ATG7: variants seen among roughly 807,000 people sequenced by gnomAD.
ATG7 encodes the protein ubiquitin-like modifier-activating enzyme ATG7.
Under a neutral mutation model 82.4 loss-of-function variants are expected in ATG7, and 70 were observed. That is an observed-to-expected ratio of 0.85 (90% CI 0.70 to 1.04). The LOEUF (loss-of-function observed/expected upper bound fraction) is 1.04, where lower values mean the gene tolerates loss of function less well. Ranked by LOEUF, ATG7 falls within the 50% of genes least tolerant of loss-of-function variation. ATG7 has a pLI of 0.00. For synonymous variants in ATG7, 287 were observed against 313.0 expected, an observed-to-expected ratio of 0.92 and a Z score of 0.88; for missense variants, 792 against 864.3, an observed-to-expected ratio of 0.92 and a Z score of 1.05.
intron 3 of ATG7, among the ~76,000 whole-genome samples, chr3:11,291,492 ACT>A (rs1167703546): frequency 6.6e-6 from 1 of 152,124 alleles, no homozygotes; most frequent in African/African-American, 2.4e-5. Flanking sequence ...TTCCTGTGTG[ACT>A]CTGGGCAAGT....
chr3:11,288,638 C>T (rs1944464245), intron 3 of ATG7: 1 of 152,214 alleles, frequency 6.6e-6, no homozygotes, highest in African/African-American at 2.4e-5. Context: ...TCTCTCCTCA[C>T]CTCCTAGCAG....
At chr3:11,452,384 C>CAAA (rs34530409) in intron 20 of ATG7, among the ~76,000 whole-genome samples, 13,807 of 58,024 alleles carry the variant, frequency 0.24, 2,415 homozygotes, top group South Asian at 0.38. Context: ...GAACCTGTCT[C>CAAA]AAAAAAAAAA....
chr3:11,399,223 A>G lies in ATG7; in HGVS notation c.1956+19171A>G, dbSNP rs151245457. Among the ~76,000 whole-genome samples, 558 of 152,166 alleles carry G rather than the reference A, an allele frequency of 3.7e-3. 6 individuals are homozygous for G. Among genetic ancestry groups the G allele is most frequent in the Non-Finnish European group, 6.4e-3 (437 of 67,972 alleles). ...ATTAGCTAGGTATGGTGGCCTGTAC[A>G]TATAGTCCCAGCTACTCAGGAGGCT... On this transcript the variant is annotated intron_variant, in intron 19 of 20. Coordinates refer to ENST00000693202, the MANE Select transcript of ATG7 (RefSeq NM_001349232.2).
intron 20 of ATG7, among the ~76,000 whole-genome samples, chr3:11,464,365 CCT>C (rs2086631195): frequency 6.6e-6 from 1 of 150,586 alleles, no homozygotes; most frequent in Admixed American, 6.6e-5. Context: ...CGAGCAAGAC[CCT>C]GTCTCAAAAT....
chr3:11,452,583 G>A (rs2085301630), intron 20 of ATG7, among the ~76,000 whole-genome samples: 1 of 152,072 alleles, frequency 6.6e-6, no homozygotes, highest in African/African-American at 2.4e-5. Context: ...AGGCACTTCA[G>A]CAAACAGCGT....
chr3:11,551,812 G>A (rs545257518), intron 20 of ATG7, among the ~76,000 whole-genome samples: 8 of 151,902 alleles, frequency 5.3e-5, no homozygotes, highest in Non-Finnish European at 7.4e-5. Flanking sequence ...ATAGTGGTGC[G>A]ATCTCAGCTC....
At chr3:11,562,168 AT>A (rs1326128782), downstream of ATG7, among the ~76,000 whole-genome samples, 1 of 152,010 alleles carries the variant, frequency 6.6e-6, no homozygotes, top group African/African-American at 2.4e-5. Context: ...AAGGGCTGGG[AT>A]TACAGGTGTG....
intron 20 of ATG7, among the ~76,000 whole-genome samples, chr3:11,457,928 G>A (rs2085904896): frequency 6.6e-6 from 1 of 152,146 alleles, no homozygotes; most frequent in Admixed American, 6.5e-5. Context: ...TGGTATGGAG[G>A]AAGTAACCGG....
At chr3:11,550,848 T>C (rs1176562553) in intron 20 of ATG7, among the ~76,000 whole-genome samples, 3 of 152,088 alleles carry the variant, frequency 2.0e-5, no homozygotes, top group African/African-American at 7.2e-5. Flanking sequence ...TTATTGCTTA[T>C]GGATTTGGGA....
At chr3:11,536,542 C>T (rs192373630) in intron 20 of ATG7, among the ~76,000 whole-genome samples, 17 of 152,298 alleles carry the variant, frequency 1.1e-4, no homozygotes, top group African/African-American at 2.2e-4. Flanking sequence ...CCATGCAAAA[C>T]GCCACCACAC....
chr3:11,482,496 G>T (rs2089119860), intron 20 of ATG7, among the ~76,000 whole-genome samples: 1 of 152,284 alleles, frequency 6.6e-6, no homozygotes, highest in African/African-American at 2.4e-5. Flanking sequence ...ATGGAAAGTT[G>T]TATCTGGGGG....
downstream of ATG7, chr3:11,558,184 G>A (rs1266143991): frequency 6.9e-6 from 2 of 288,090 alleles, no homozygotes; most frequent in East Asian, 1.4e-4. Flanking sequence ...AGAAGCAAAG[G>A]AAAAAGCACA....
At chr3:11,465,837 C>A (rs1332155051) in intron 20 of ATG7, among the ~76,000 whole-genome samples, 2 of 152,040 alleles carry the variant, frequency 1.3e-5, no homozygotes, top group African/African-American at 4.8e-5. Flanking sequence ...AAATTAAAAA[C>A]CCAGGGATAA....
At chr3:11,372,116 G>GC (rs2077040662) in intron 18 of ATG7, among the ~76,000 whole-genome samples, 1 of 151,398 alleles carries the variant, frequency 6.6e-6, no homozygotes, top group Non-Finnish European at 1.5e-5. Context: ...ACAACCTGGT[G>GC]CCCCACATCT....
At chr3:11,384,709 C>T (rs191875699) in intron 19 of ATG7, among the ~76,000 whole-genome samples, 4 of 152,178 alleles carry the variant, frequency 2.6e-5, no homozygotes, top group African/African-American at 9.7e-5. Flanking sequence ...CCTGTAATCC[C>T]AGCACTTTGT....
intron 9 of ATG7, among the ~76,000 whole-genome samples, chr3:11,322,006 C>G (rs1187169116): frequency 1.3e-5 from 2 of 152,106 alleles, no homozygotes; most frequent in African/African-American, 4.8e-5. Context: ...GTTCAGCAGC[C>G]CCCGGGACAT....
At chr3:11,570,963 C>T in the ATG7 span, among the ~76,000 whole-genome samples, 4 of 152,178 alleles carry the variant, frequency 2.6e-5, no homozygotes, top group Admixed American at 1.3e-4. Flanking sequence ...GGTCAAGCTG[C>T]GTCACTCCTC....
At chr3:11,566,882 T>A in the ATG7 span, among the ~76,000 whole-genome samples, 1 of 152,126 alleles carries the variant, frequency 6.6e-6, no homozygotes, top group East Asian at 1.9e-4. Flanking sequence ...GCACAGAGAC[T>A]TAACGGGTGA....
intron 19 of ATG7, among the ~76,000 whole-genome samples, chr3:11,394,934 C>A (rs1011339450): frequency 6.6e-6 from 1 of 152,030 alleles, no homozygotes; most frequent in African/African-American, 2.4e-5. Flanking sequence ...TTGGCAGAAG[C>A]AAAGACAAAA....
Sources: allele counts gnomAD v4.1 joint callset (sites outside exome capture counted in the v4.1 genomes callset), GRCh38; gene constraint gnomAD v4.1.1; transcripts MANE v1.5; gene names NCBI Gene and HGNC (gene_info 2026-07-23, HGNC 2026-07-21).